C1orf198: variants seen among roughly 807,000 people sequenced by gnomAD.
C1orf198 encodes the protein uncharacterized protein C1orf198.
A neutral mutation model predicts 31.4 loss-of-function variants in C1orf198; 17 were observed. The ratio of observed to expected loss-of-function variants is 0.54; its 90% confidence interval spans 0.37 to 0.81. The LOEUF (loss-of-function observed/expected upper bound fraction) is 0.81, where lower values mean the gene tolerates loss of function less well. C1orf198 is among the 40% of genes least tolerant of loss of function. The probability of loss-of-function intolerance (pLI) is 0.00; values close to 1 mark genes in which losing one functional copy is unlikely to be tolerated. For synonymous variants in C1orf198, 175 were observed against 193.8 expected (o/e 0.90, Z 0.81); for missense variants, 401 against 450.3 (o/e 0.89, Z 0.99).
chr1:230,845,024 C>G (rs1669550478), intron 2 of C1orf198, among the ~76,000 whole-genome samples: 1 of 152,120 alleles, frequency 6.6e-6, no homozygotes, highest in Non-Finnish European at 1.5e-5. Context: ...GAAGACTTCT[C>G]TCTTCCCTCA....
chr1:230,841,567 C>T (rs965546463), intron 3 of C1orf198, among the ~76,000 whole-genome samples: 8 of 152,212 alleles, frequency 5.3e-5, no homozygotes, highest in African/African-American at 1.9e-4. Context: ...CATGGACAGG[C>T]AAGTCTAAAC....
At chr1:230,860,892 G>C (rs1012217956) in intron 1 of C1orf198, among the ~76,000 whole-genome samples, 7 of 152,160 alleles carry the variant, frequency 4.6e-5, no homozygotes, top group African/African-American at 1.7e-4. Flanking sequence ...TATGTTGTAT[G>C]TATTTTACCA....
At chr1:230,867,228 A>G (rs1169209338) in intron 1 of C1orf198, among the ~76,000 whole-genome samples, 1 of 152,230 alleles carries the variant, frequency 6.6e-6, no homozygotes, top group Non-Finnish European at 1.5e-5. Flanking sequence ...TTGAAACGCC[A>G]AAGAGTCACA....
In C1orf198 at chr1:230,861,794, CAGCT is replaced by C. The variant is rs569650280; in HGVS notation, c.334-6080_334-6077del. 1.2e-4 allele frequency among the ~76,000 whole-genome samples: 19 copies of C among 152,318 alleles called. No homozygotes were observed. The East Asian group carries it at 3.7e-3, about 29-fold the overall frequency. On this transcript the variant is annotated intron_variant, in intron 1 of 3. Transcript: ENST00000366663. ...CCTCCACAAGCTGTTCCAGGAAAAA[CAGCT>C]AGGCGGGGAGTGAGGGGCTTTCTGG...
intron 2 of C1orf198, among the ~76,000 whole-genome samples, chr1:230,850,581 C>T (rs1490731227): frequency 4.6e-5 from 7 of 152,040 alleles, no homozygotes; most frequent in Non-Finnish European, 7.4e-5. Context: ...GAGCGAGTGA[C>T]GCATCGTCCC....
At chr1:230,859,464 C>T (rs903263672) in intron 1 of C1orf198, among the ~76,000 whole-genome samples, 1 of 152,168 alleles carries the variant, frequency 6.6e-6, no homozygotes, top group African/African-American at 2.4e-5. Context: ...AGGACTTATC[C>T]TCAGAGTCAA....
intron 2 of C1orf198, among the ~76,000 whole-genome samples, chr1:230,849,869 G>T (rs1464859864): frequency 6.6e-6 from 1 of 152,208 alleles, no homozygotes; most frequent in African/African-American, 2.4e-5. Flanking sequence ...AGGAAGATGA[G>T]CAGGAGGATA....
chr1:230,847,236 G>A (rs1046332359), intron 2 of C1orf198, among the ~76,000 whole-genome samples: 35 of 148,342 alleles, frequency 2.4e-4, no homozygotes, highest in Admixed American at 1.9e-3. Context: ...CCGAGATCGC[G>A]CCACTGCACT....
chr1:230,852,404 G>C (rs901965715), intron 2 of C1orf198, among the ~76,000 whole-genome samples: 3 of 152,296 alleles, frequency 2.0e-5, no homozygotes, highest in Non-Finnish European at 2.9e-5. Context: ...TAGTGAGAGT[G>C]GGGGGCAGTC....
rs1300077091 is a variant in C1orf198, at chr1:230,843,388, TC to T, written c.892del (p.Glu298LysfsTer20). The T allele has an allele frequency of 6.4e-7, 1 of 1,561,072 alleles. No individual in the cohort carries two copies. Among genetic ancestry groups the T allele is most frequent in the South Asian group, 1.2e-5 (1 of 85,074 alleles). On this transcript the variant is annotated frameshift_variant, in exon 3 of 4. Transcript: ENST00000366663. LOFTEE classifies it high-confidence loss of function. The surrounding 1 kb of genome is among the most constrained non-coding windows in gnomAD (Gnocchi z 4.9). ...PSPDVRQDDG[E>X]DTLFSEPKFA... ...CTTGGGTTCCGAGAACAGGGTGTCT[TC>T]CCCATCGTCCTGCCTGACATCAGGA...
chr1:230,861,836 A>G lies in C1orf198; in HGVS notation c.334-6118T>C, dbSNP rs78686842. Among the ~76,000 whole-genome samples the G allele has an allele frequency of 3.6e-3, 547 of 152,322 alleles. 3 individuals are homozygous for G. Among genetic ancestry groups the G allele is most frequent in the African/African-American group, 0.012 (519 of 41,578 alleles). On this transcript the variant is annotated intron_variant, in intron 1 of 3. Transcript: ENST00000366663. ...AGGGGCTTTCTGGGGTGATTCTAAA[A>G]CAGCATCAGGATCTTGGAACACGGC...
chr1:230,843,105 G>A lies in C1orf198; in HGVS notation c.927+249C>T, dbSNP rs1270595058. Among the ~76,000 whole-genome samples, 2 of 152,248 alleles carry A rather than the reference G, an allele frequency of 1.3e-5. No individual in the cohort carries two copies. Among genetic ancestry groups the A allele is most frequent in the Non-Finnish European group, 2.9e-5 (2 of 68,048 alleles). On this transcript the variant is annotated intron_variant, in intron 3 of 3. Coordinates refer to ENST00000366663, the MANE Select transcript of C1orf198 (RefSeq NM_032800.3). This position sits in a 1 kb window ranked among gnomAD's most constrained non-coding sequence, Gnocchi z 4.9. ...TAGCAGCCCGCGCACTGGGGAAAGC[G>A]CAGTGGGCCACGGAACCCTGACTGG...
At chr1:230,845,881 T>A (rs1669577464) in intron 2 of C1orf198, among the ~76,000 whole-genome samples, 1 of 152,232 alleles carries the variant, frequency 6.6e-6, no homozygotes, top group African/African-American at 2.4e-5. Flanking sequence ...TTTATGAGGC[T>A]GTAGTTCTGT....
chr1:230,847,301 A>G (rs564612188), intron 2 of C1orf198, among the ~76,000 whole-genome samples: 190 of 152,050 alleles, frequency 1.2e-3, no homozygotes, highest in African/African-American at 4.3e-3. Flanking sequence ...AAGAAAAAAA[A>G]GAAACAGCCA....
intron 2 of C1orf198, among the ~76,000 whole-genome samples, chr1:230,847,730 A>G (rs1572130282): frequency 6.6e-6 from 1 of 152,230 alleles, no homozygotes; most frequent in African/African-American, 2.4e-5. Flanking sequence ...AGACTGTGGG[A>G]TAGAGATGAT....
chr1:230,865,408 G>A (rs143590915), intron 1 of C1orf198, among the ~76,000 whole-genome samples: 11 of 152,332 alleles, frequency 7.2e-5, no homozygotes, highest in Non-Finnish European at 1.0e-4. Context: ...ATGTTCACAC[G>A]TGGGGATTTT....
intron 1 of C1orf198, among the ~76,000 whole-genome samples, chr1:230,858,519 G>T (rs926088218): frequency 6.6e-6 from 1 of 152,140 alleles, no homozygotes; most frequent in African/African-American, 2.4e-5. Flanking sequence ...AGGAAGAACC[G>T]GCCATCCACA....
intron 2 of C1orf198, among the ~76,000 whole-genome samples, chr1:230,848,595 C>A (rs761631990): frequency 7.2e-5 from 11 of 152,160 alleles, no homozygotes; most frequent in Non-Finnish European, 1.5e-4. Context: ...GTGATGGACA[C>A]CCCAAATACC....
rs1422617696 is a variant in C1orf198, at chr1:230,838,446, G to A, written c.*1406C>T. ...ATGAGGGGTTGAGGTGAGTTGCTAT[G>A]TGCTTTATTTTGGAGCCAGATAAAA... On this transcript the variant is annotated 3_prime_UTR_variant, in exon 4 of 4. Transcript: ENST00000366663. The surrounding 1 kb of genome is among the most constrained non-coding windows in gnomAD (Gnocchi z 4.2). 6.6e-6 allele frequency: 1 copy of A among 152,054 alleles called. No individual in the cohort carries two copies. Among genetic ancestry groups the A allele is most frequent in the East Asian group, 1.9e-4 (1 of 5,172 alleles). The allele number at this position is 152,054 out of a possible 1,614,324, so 9.4% of individuals were successfully genotyped here.
Sources: gnomAD v4.1 joint callset for allele counts (sites outside exome capture counted in the v4.1 genomes callset) on GRCh38, gnomAD v4.1.1 for gene constraint, Gnocchi (gnomAD v3.1) non-coding constraint, MANE v1.5 for transcripts, NCBI Gene and HGNC (gene_info 2026-07-23, HGNC 2026-07-21) for gene names.